ARHGEF4: variants seen among roughly 807,000 people sequenced by gnomAD.
ARHGEF4 encodes the protein Rho guanine nucleotide exchange factor 4, also known as APC-stimulated guanine nucleotide exchange factor 1.
A neutral mutation model predicts 162.0 loss-of-function variants in ARHGEF4; 119 were observed. That is an observed-to-expected ratio of 0.73 (90% CI 0.63 to 0.86). ARHGEF4 has a LOEUF of 0.86. Among genes scored for constraint, ARHGEF4 ranks in the 40% least tolerant of loss-of-function variants. The pLI is 0.00. For synonymous variants in ARHGEF4, 1,014 were observed against 979.9 expected (o/e 1.03, Z -0.65); for missense variants, 2,488 against 2,456.0 (o/e 1.01, Z -0.28).
intron 4 of ARHGEF4, among the ~76,000 whole-genome samples, chr2:130,988,901 T>TATATATATATATAGAGAG (rs1469212068): frequency 8.8e-6 from 1 of 113,366 alleles, no homozygotes; most frequent in Non-Finnish European, 1.7e-5. Flanking sequence ...TATATATATA[T>TATATATATATATAGAGAG]AGAGAGAGAG....
intron 4 of ARHGEF4, among the ~76,000 whole-genome samples, chr2:130,958,621 G>A (rs11904741): frequency 0.15 from 22,742 of 151,986 alleles, 2,249 homozygotes; most frequent in African/African-American, 0.28. Flanking sequence ...TGTTGGCCAG[G>A]CTGGTCTTGA....
At chr2:131,034,596 T>C (rs1364344215) in intron 5 of ARHGEF4, among the ~76,000 whole-genome samples, 2 of 152,206 alleles carry the variant, frequency 1.3e-5, no homozygotes, top group African/African-American at 4.8e-5. Context: ...CGTTTACTCA[T>C]CTGTGAAGTG....
chr2:131,029,523 G>A (rs968910563), intron 5 of ARHGEF4, among the ~76,000 whole-genome samples: 1 of 150,988 alleles, frequency 6.6e-6, no homozygotes, highest in African/African-American at 2.4e-5. Flanking sequence ...ACCTGAAGCA[G>A]AATTCACAAG....
chr2:131,018,391 T>A (rs1688893251), intron 4 of ARHGEF4, among the ~76,000 whole-genome samples: 1 of 152,218 alleles, frequency 6.6e-6, no homozygotes, highest in African/African-American at 2.4e-5. Context: ...TTTGAAGAAA[T>A]GTCTATTCAA....
At position 130,945,259 on chromosome 2, in the gene ARHGEF4, C is replaced by A. The variant is rs961976619; in HGVS notation, c.3859-1250C>A. Among the ~76,000 whole-genome samples, 5 of 152,162 alleles carry A rather than the reference C, an allele frequency of 3.3e-5. No individual in the cohort carries two copies. The South Asian group carries it at 1.0e-3, about 32-fold the overall frequency. Reference sequence around the variant, plus strand: ...CTTTCCTAGTTTTCTTGATGGAAAGCTGGGGCTTTCATTTTCCCTCTGCCA... The same window carrying A: ...CTTTCCTAGTTTTCTTGATGGAAAGATGGGGCTTTCATTTTCCCTCTGCCA... On this transcript the variant is annotated intron_variant, in intron 3 of 13. Transcript: ENST00000409359.
intron 1 of ARHGEF4, among the ~76,000 whole-genome samples, chr2:130,896,227 A>G (rs1251810305): frequency 6.6e-6 from 1 of 152,238 alleles, no homozygotes; most frequent in African/African-American, 2.4e-5. Flanking sequence ...ATGTTAATAC[A>G]TGAACTTTTG....
intron 1 of ARHGEF4, among the ~76,000 whole-genome samples, chr2:130,877,807 C>A (rs771755036): frequency 1.3e-5 from 2 of 152,212 alleles, no homozygotes; most frequent in Non-Finnish European, 2.9e-5. Context: ...TCACCACTAT[C>A]TGACATGTAA....
chr2:131,022,508 T>C (rs1014721524), intron 4 of ARHGEF4, among the ~76,000 whole-genome samples: 20 of 152,288 alleles, frequency 1.3e-4, no homozygotes, highest in African/African-American at 4.8e-4. Context: ...TGTCTTACTT[T>C]GCTCATCAAA....
intron 1 of ARHGEF4, among the ~76,000 whole-genome samples, chr2:130,906,358 C>T (rs939068137): frequency 6.6e-6 from 1 of 152,158 alleles, no homozygotes; most frequent in African/African-American, 2.4e-5. Context: ...TATATACACA[C>T]ATATTTATGT....
Position 131,046,216 on chromosome 2 carries a change from T to C in ARHGEF4, c.*27T>C, listed in dbSNP as rs1443957313. ...CTGGTCCCTGCCTGACAGCACCTGC[T>C]GGGCCTTCCTGCCAGTGGCCCCCAG... On this transcript the variant is annotated 3_prime_UTR_variant, in exon 14 of 14. Transcript: ENST00000409359. 1 of 1,586,602 alleles carries C rather than the reference T, an allele frequency of 6.3e-7. No homozygotes were observed. Among genetic ancestry groups the C allele is most frequent in the South Asian group, 1.1e-5 (1 of 89,380 alleles).
At chr2:131,030,625 C>T (rs866179161) in intron 5 of ARHGEF4, among the ~76,000 whole-genome samples, 15 of 152,210 alleles carry the variant, frequency 9.9e-5, no homozygotes, top group African/African-American at 3.4e-4. Context: ...GGCATCCACG[C>T]GCCTCATGAA....
chr2:130,843,973 C>A (rs1680775711), intron 1 of ARHGEF4, among the ~76,000 whole-genome samples: 4 of 152,308 alleles, frequency 2.6e-5, no homozygotes, highest in Admixed American at 2.0e-4. Context: ...CCTGCCCCAC[C>A]TCTGTGTCCC....
rs1261427652 is a variant in ARHGEF4, at chr2:130,916,975, C to G, written c.3029C>G (p.Ser1010Cys). ...FSDHWAPPLA[S>C]TPLSSSLVSP... is the part of the protein sequence containing the mutation. ...GATCACTGGGCACCCCCACTTGCCT[C>G]CACACCTTTGTCCTCCAGTTTAGTT... The change falls in exon 2 of 14, where the codon TCC becomes TGC. Residue 1010 changes from serine (S) to cysteine (C), a missense_variant. Transcript: ENST00000409359. 1.9e-6 allele frequency: 3 copies of G among 1,550,956 alleles called. No individual in the cohort carries two copies. The highest frequency in any genetic ancestry group is 1.7e-4 in the Middle Eastern group (1 of 5,994).
At chr2:130,892,790 C>G (rs960530757) in intron 1 of ARHGEF4, among the ~76,000 whole-genome samples, 2 of 152,158 alleles carry the variant, frequency 1.3e-5, no homozygotes, top group Non-Finnish European at 2.9e-5. Context: ...CCTGGACTCC[C>G]AGCTCCTTCT....
At chr2:130,964,231 C>G in intron 4 of ARHGEF4, 1 of 985,712 alleles carries the variant, frequency 1.0e-6, no homozygotes, top group Non-Finnish European at 1.2e-6. Flanking sequence ...CCTGGAGAGC[C>G]TGCGCTCGGC....
intron 4 of ARHGEF4, among the ~76,000 whole-genome samples, chr2:131,019,593 G>A (rs1340420060): frequency 1.3e-5 from 2 of 150,978 alleles, no homozygotes; most frequent in East Asian, 3.9e-4. Flanking sequence ...TGGCCTCCTT[G>A]GTTAAGTTTA....
At chr2:130,889,528 A>T (rs1679729184) in intron 1 of ARHGEF4, among the ~76,000 whole-genome samples, 1 of 151,824 alleles carries the variant, frequency 6.6e-6, no homozygotes, top group Admixed American at 6.6e-5. Context: ...AAATGTACTT[A>T]CAGGCTGGGC....
At chr2:130,940,527 C>A (rs1476308507) in intron 3 of ARHGEF4, among the ~76,000 whole-genome samples, 2 of 151,576 alleles carry the variant, frequency 1.3e-5, no homozygotes, top group Non-Finnish European at 2.9e-5. Context: ...GATCTCCTGA[C>A]CTCGGATGGT....
chr2:131,039,743 C>T, intron 6 of ARHGEF4: 22 of 1,355,346 alleles, frequency 1.6e-5, no homozygotes, highest in Middle Eastern at 2.8e-4. Context: ...AGCAAGCGCT[C>T]CAGCCTCTGT....
Sources: allele counts gnomAD v4.1 joint callset (sites outside exome capture counted in the v4.1 genomes callset), GRCh38; gene constraint gnomAD v4.1.1; transcripts MANE v1.5; gene names NCBI Gene and HGNC (gene_info 2026-07-23, HGNC 2026-07-21).